Variants in NCOR1 observed in about 807,000 individuals in gnomAD.
NCOR1 encodes nuclear receptor corepressor 1, also known as protein phosphatase 1, regulatory subunit 109.
A neutral mutation model predicts 288.1 loss-of-function variants in NCOR1; 63 were observed. The observed-to-expected ratio is 0.22, with a 90% CI of 0.18 to 0.27. The LOEUF (loss-of-function observed/expected upper bound fraction) is 0.27, where lower values mean the gene tolerates loss of function less well. Among genes scored for constraint, NCOR1 ranks in the 10% least tolerant of loss-of-function variants. NCOR1 has a pLI of 1.00. For synonymous variants in NCOR1, 1,007 were observed against 1,065.9 expected (o/e 0.94, Z 1.08); for missense variants, 2,397 against 3,019.2 (o/e 0.79, Z 4.83).
At chr17:16,106,978 C>T (rs1598713945) in intron 19 of NCOR1, among the ~76,000 whole-genome samples, 1 of 146,644 alleles carries the variant, frequency 6.8e-6, no homozygotes, top group African/African-American at 2.5e-5. Context: ...CTGCAAGCTC[C>T]GCCTCCCAGG....
intron 1 of NCOR1, among the ~76,000 whole-genome samples, chr17:16,205,952 A>G (rs77315512): frequency 6.6e-6 from 1 of 151,842 alleles, no homozygotes; most frequent in Non-Finnish European, 1.5e-5. Flanking sequence ...AAAAAAAAAA[A>G]AGAAAGAAAG....
Position 16,080,404 on chromosome 17 carries a change from T to G in NCOR1, c.3400+4A>C. The G allele has an allele frequency of 6.2e-7, 1 of 1,607,928 alleles. No individual in the cohort carries two copies. The highest frequency in any genetic ancestry group is 8.5e-7 in the Non-Finnish European group (1 of 1,176,500). ...TAACATTTCTGCCAACCAGCATATT[T>G]TACCTCTGACTACACCTTCATGTTG... On this transcript the variant is annotated splice_donor_region_variant and intron_variant, in intron 25 of 45. Coordinates refer to ENST00000268712, the MANE Select transcript of NCOR1 (RefSeq NM_006311.4).
At chr17:16,108,758 C>T (rs1425887233) in intron 19 of NCOR1, 28 bp downstream of exon 19, 2 of 1,567,784 alleles carry the variant, frequency 1.3e-6, no homozygotes, top group Admixed American at 3.8e-5. Flanking sequence ...TAGCAGATGT[C>T]ACAACTAAAT....
At chr17:16,064,389 C>T (rs2060886503) in intron 34 of NCOR1, among the ~76,000 whole-genome samples, 1 of 152,068 alleles carries the variant, frequency 6.6e-6, no homozygotes, top group African/African-American at 2.4e-5. Flanking sequence ...CACCGGAGGC[C>T]AGGAGTTTAC....
At chr17:16,205,620 TAAAAG>T (rs1048116653) in intron 1 of NCOR1, among the ~76,000 whole-genome samples, 6 of 125,480 alleles carry the variant, frequency 4.8e-5, no homozygotes, top group Admixed American at 1.8e-4. Flanking sequence ...AGGCTCTGTC[TAAAAG>T]AAAAGAAAAG....
chr17:16,171,784 T>C lies in NCOR1; in HGVS notation c.435+19A>G, dbSNP rs1266360654. ...ATTACAAACCTACAACTCTACAGGGTAAGAGAACAAATATTTACCTTCTTA... is the reference window on the plus strand; with the variant it reads ...ATTACAAACCTACAACTCTACAGGGCAAGAGAACAAATATTTACCTTCTTA... On this transcript the variant is annotated intron_variant, in intron 4 of 45. Coordinates refer to ENST00000268712, the MANE Select transcript of NCOR1 (RefSeq NM_006311.4). 1 of 1,538,632 alleles carries C rather than the reference T, an allele frequency of 6.5e-7. No individual in the cohort carries two copies. Among genetic ancestry groups the C allele is most frequent in the African/African-American group, 1.4e-5 (1 of 72,202 alleles).
chr17:16,081,321 T>C (rs1368361347), intron 23 of NCOR1, among the ~76,000 whole-genome samples: 3 of 146,234 alleles, frequency 2.1e-5, no homozygotes, highest in Admixed American at 1.4e-4. Context: ...AATGTAAGAA[T>C]CGACTTTTAA....
At chr17:16,090,910 A>G (rs945277098) in intron 22 of NCOR1, among the ~76,000 whole-genome samples, 1 of 152,208 alleles carries the variant, frequency 6.6e-6, no homozygotes, top group Admixed American at 6.5e-5. Flanking sequence ...AAAGTACTGT[A>G]AAGAATCTTC....
At chr17:16,090,548 C>T (rs1056397437) in intron 22 of NCOR1, among the ~76,000 whole-genome samples, 5 of 152,236 alleles carry the variant, frequency 3.3e-5, no homozygotes, top group African/African-American at 1.2e-4. Context: ...GTGTCAATTA[C>T]AGAACTAGCG....
In NCOR1 at chr17:16,186,700, T is replaced by C. The variant is rs769787141; in HGVS notation, c.109-13A>G. The C allele has an allele frequency of 5.6e-6, 9 of 1,607,512 alleles. No homozygotes were observed. In the African/African-American group the frequency reaches 1.1e-4, roughly 19 times the overall value. On this transcript the variant is annotated splice_polypyrimidine_tract_variant and intron_variant, in intron 2 of 45. Coordinates refer to ENST00000268712, the MANE Select transcript of NCOR1 (RefSeq NM_006311.4). ...GGACTGCGAACTCCTAGTATTAAAA[T>C]AATCATAAATCAATTATTAACCAAA...
At chr17:16,189,758 AAAC>A (rs1398347380) in intron 2 of NCOR1, among the ~76,000 whole-genome samples, 1 of 152,222 alleles carries the variant, frequency 6.6e-6, no homozygotes, top group Non-Finnish European at 1.5e-5. Context: ...AATATTAAAA[AAAC>A]AAGAATAAAG....
intron 3 of NCOR1, among the ~76,000 whole-genome samples, chr17:16,182,579 A>C (rs866912038): frequency 2.6e-5 from 4 of 152,018 alleles, no homozygotes; most frequent in Non-Finnish European, 4.4e-5. Context: ...CTCAGCCTCC[A>C]GAGTAGCTGG....
At chr17:16,089,248 G>T (rs2064776515) in intron 22 of NCOR1, among the ~76,000 whole-genome samples, 1 of 151,098 alleles carries the variant, frequency 6.6e-6, no homozygotes, top group Non-Finnish European at 1.5e-5. Flanking sequence ...AACAAACTAG[G>T]GTCAGTTACA....
At chr17:16,065,153 T>C in intron 33 of NCOR1, 134 bp from the exon 34 acceptor site, 1 of 853,644 alleles carries the variant, frequency 1.2e-6, no homozygotes, top group Non-Finnish European at 1.8e-6. Context: ...TTTACTATCA[T>C]CATTACTTTT....
intron 18 of NCOR1, among the ~76,000 whole-genome samples, chr17:16,112,950 G>A (rs912389586): frequency 1.3e-5 from 2 of 151,926 alleles, no homozygotes; most frequent in South Asian, 2.1e-4. Flanking sequence ...TCGCTCTGTC[G>A]CCTAGGCTGG....
chr17:16,069,515 G>T (rs2061501903), intron 31 of NCOR1, among the ~76,000 whole-genome samples: 1 of 152,260 alleles, frequency 6.6e-6, no homozygotes, highest in Non-Finnish European at 1.5e-5. Context: ...GGGACCACTT[G>T]GTAAAAATCA....
chr17:16,112,102 C>G (rs2070370293), intron 18 of NCOR1, among the ~76,000 whole-genome samples: 1 of 152,132 alleles, frequency 6.6e-6, no homozygotes, highest in South Asian at 2.1e-4. Context: ...ATCTCCTGAC[C>G]TAATGATCCA....
intron 6 of NCOR1, among the ~76,000 whole-genome samples, chr17:16,154,787 G>GT (rs1436791441): frequency 2.6e-5 from 4 of 152,188 alleles, no homozygotes; most frequent in African/African-American, 7.2e-5. Context: ...GGACTGAAGC[G>GT]TGAGACTCAA....
chr17:16,032,272 C>A lies in NCOR1; in HGVS notation c.*24G>T. ...AAAACTAGAGATCCCTCTCCTGCAC[C>A]CTGTTCCCCTCACTTTGTGCAGTTC... On this transcript the variant is annotated 3_prime_UTR_variant, in exon 46 of 46. Transcript: ENST00000268712. 1 of 1,584,988 alleles carries A rather than the reference C, an allele frequency of 6.3e-7. No individual in the cohort carries two copies. The highest frequency in any genetic ancestry group is 1.9e-5 in the Admixed American group (1 of 53,576).
Sources: gnomAD v4.1 joint callset for allele counts (sites outside exome capture counted in the v4.1 genomes callset) on GRCh38, gnomAD v4.1.1 for gene constraint, MANE v1.5 for transcripts, NCBI Gene and HGNC (gene_info 2026-07-23, HGNC 2026-07-21) for gene names.